The following DGKI variants were observed in gnomAD, a reference collection of about 807,000 sequenced individuals.
The protein encoded by DGKI is DAG kinase iota.
DGKI carries 55 observed loss-of-function variants against 147.5 expected under a neutral mutation model. The ratio of observed to expected loss-of-function variants is 0.37; its 90% CI spans 0.30 to 0.47. The LOEUF is 0.47. Ranked by LOEUF, DGKI falls within the 20% of genes least tolerant of loss-of-function variation. The probability of loss-of-function intolerance (pLI) is 1.00; values close to 1 mark genes in which losing one functional copy is unlikely to be tolerated. For missense variants in DGKI, 1,007 were observed against 1,323.8 expected (o/e 0.76, Z 3.71); for synonymous variants, 469 against 477.1 (o/e 0.98, Z 0.22).
chr7:137,493,332 T>C (rs10268873), intron 21 of DGKI, among the ~76,000 whole-genome samples: 24,827 of 152,198 alleles, frequency 0.16, 3,028 homozygotes, highest in African/African-American at 0.35. Context: ...AGCCCCTGGC[T>C]CACCAGGGCC....
intron 23 of DGKI, among the ~76,000 whole-genome samples, chr7:137,479,947 C>T (rs1189450487): frequency 6.6e-6 from 1 of 152,006 alleles, no homozygotes; most frequent in African/African-American, 2.4e-5. Flanking sequence ...ATCTTAAAAC[C>T]CCTCCATCTC....
chr7:137,487,688 C>A lies in DGKI; in HGVS notation c.2250G>T (p.Ser750=). 6.2e-7 allele frequency: 1 copy of A among 1,613,274 alleles called. No homozygotes were observed. Among genetic ancestry groups the A allele is most frequent in the Non-Finnish European group, 8.5e-7 (1 of 1,179,420 alleles). The change falls in exon 22 of 33, where the codon TCG becomes TCT. Residue 750 remains serine, a splice_region_variant and synonymous_variant. Coordinates refer to ENST00000614521, the MANE Select transcript of DGKI (RefSeq NM_001321708.2). ...GCACAACTAGAATACCCAGAGGTAT[C>A]GCTAAGGGTGAAGGAAGAAGAAAAA... ...HYDKEKLREA[S]IPLGILVVRG...
At position 137,841,865 on chromosome 7, in the gene DGKI, T is replaced by C. The variant is rs570947277; in HGVS notation, c.401+4597A>G. Among the ~76,000 whole-genome samples, 6 of 152,318 alleles carry C rather than the reference T, an allele frequency of 3.9e-5. No homozygotes were observed. In the South Asian group the frequency reaches 1.2e-3, roughly 32 times the overall value. Reference sequence around the variant, plus strand: ...GCTGTTGTTTGTTGCCACAGCAGAATTGAACACCAGCAAAGACCTCTCTTC... The same window carrying C: ...GCTGTTGTTTGTTGCCACAGCAGAACTGAACACCAGCAAAGACCTCTCTTC... On this transcript the variant is annotated intron_variant, in intron 1 of 32. Transcript: ENST00000614521.
At chr7:137,762,893 G>T (rs541044400) in intron 1 of DGKI, among the ~76,000 whole-genome samples, 1 of 152,326 alleles carries the variant, frequency 6.6e-6, no homozygotes, top group African/African-American at 2.4e-5. Flanking sequence ...ATTGTGGACT[G>T]AGTGACAAAG....
At chr7:137,472,392 T>TATTATG (rs61018353) in intron 23 of DGKI, among the ~76,000 whole-genome samples, 9 of 12,860 alleles carry the variant, frequency 7.0e-4, no homozygotes, top group African/African-American at 1.2e-3. Flanking sequence ...TATATACATA[T>TATTATG]TATAATTATT....
In DGKI at chr7:137,405,780, C is replaced by T. The variant is rs567856758; in HGVS notation, c.2920+2095G>A. Among the ~76,000 whole-genome samples the T allele has an allele frequency of 7.2e-5, 11 of 152,234 alleles. No homozygotes were observed. In the East Asian group the frequency reaches 9.7e-4, roughly 13 times the overall value. On this transcript the variant is annotated intron_variant, in intron 30 of 32. Coordinates refer to ENST00000614521, the MANE Select transcript of DGKI (RefSeq NM_001321708.2). Reference sequence around the variant, plus strand: ...TGTGAAGGATCTTGGGAAAAAAAGACGAGGTGTTGAGAAAGGCTTAGGTGT... The same window carrying T: ...TGTGAAGGATCTTGGGAAAAAAAGATGAGGTGTTGAGAAAGGCTTAGGTGT...
chr7:137,599,041 C>T (rs1819893485), intron 11 of DGKI, among the ~76,000 whole-genome samples: 1 of 152,088 alleles, frequency 6.6e-6, no homozygotes, highest in South Asian at 2.1e-4. Context: ...CTAGAAATCA[C>T]CTTTTCCTCT....
At chr7:137,534,674 C>G (rs145960450) in intron 20 of DGKI, among the ~76,000 whole-genome samples, 128 of 151,912 alleles carry the variant, frequency 8.4e-4, no homozygotes, top group African/African-American at 2.9e-3. Flanking sequence ...TTTTAAACAA[C>G]TAAAATATTT....
At chr7:137,645,988 A>C (rs1225181785) in intron 5 of DGKI, among the ~76,000 whole-genome samples, 2 of 152,208 alleles carry the variant, frequency 1.3e-5, no homozygotes, top group Non-Finnish European at 2.9e-5. Context: ...ACGAGATTGC[A>C]GTTACTCTAC....
intron 2 of DGKI, among the ~76,000 whole-genome samples, chr7:137,689,551 T>C (rs934573230): frequency 6.6e-6 from 1 of 152,160 alleles, no homozygotes; most frequent in Non-Finnish European, 1.5e-5. Context: ...AAATCAAAAC[T>C]TAGATTGCGA....
intron 2 of DGKI, among the ~76,000 whole-genome samples, chr7:137,687,315 C>T (rs950515685): frequency 1.3e-5 from 2 of 152,142 alleles, no homozygotes; most frequent in Admixed American, 6.5e-5. Flanking sequence ...AAAGAGGCTC[C>T]AACCCTTTTC....
chr7:137,545,104 G>C (rs983203343), intron 20 of DGKI, among the ~76,000 whole-genome samples: 2 of 152,082 alleles, frequency 1.3e-5, no homozygotes, highest in Admixed American at 6.5e-5. Context: ...TGTGACCTTG[G>C]GCAAGTTACT....
At chr7:137,409,780 G>A (rs901686410) in intron 29 of DGKI, among the ~76,000 whole-genome samples, 5 of 152,078 alleles carry the variant, frequency 3.3e-5, no homozygotes, top group Non-Finnish European at 5.9e-5. Context: ...GTTAGTCCAC[G>A]GACACTTTCT....
At chr7:137,633,821 A>AGCC (rs1170597265) in intron 6 of DGKI, among the ~76,000 whole-genome samples, 1 of 152,254 alleles carries the variant, frequency 6.6e-6, no homozygotes, top group African/African-American at 2.4e-5. Flanking sequence ...GTACATTTTT[A>AGCC]CAGGCATGTA....
chr7:137,398,678 ATTCT>A (rs1374943328), intron 30 of DGKI, among the ~76,000 whole-genome samples: 1 of 152,040 alleles, frequency 6.6e-6, no homozygotes, highest in African/African-American at 2.4e-5. Flanking sequence ...GGATTTCATA[ATTCT>A]CCTGGTCATC....
At chr7:137,828,876 G>T (rs534488671) in intron 1 of DGKI, among the ~76,000 whole-genome samples, 2 of 152,278 alleles carry the variant, frequency 1.3e-5, no homozygotes, top group South Asian at 4.1e-4. Context: ...CTGATGTTAA[G>T]AATAATATAA....
chr7:137,588,666 C>T (rs1056650753), intron 12 of DGKI, among the ~76,000 whole-genome samples: 4 of 151,806 alleles, frequency 2.6e-5, no homozygotes, highest in East Asian at 1.9e-4. Flanking sequence ...TTAGTAGAGA[C>T]GGGGTTTCAC....
At chr7:137,639,586 C>T (rs937209065) in intron 6 of DGKI, among the ~76,000 whole-genome samples, 49 of 152,104 alleles carry the variant, frequency 3.2e-4, no homozygotes, top group African/African-American at 1.1e-3. Context: ...CTCTGCTCCC[C>T]GTGCAGGTCA....
intron 1 of DGKI, among the ~76,000 whole-genome samples, chr7:137,763,430 T>C (rs1227832924): frequency 6.6e-6 from 1 of 152,248 alleles, no homozygotes; most frequent in Non-Finnish European, 1.5e-5. Context: ...AAAGAAATCA[T>C]GCTGCTTTGG....
Sources: allele counts gnomAD v4.1 joint callset (sites outside exome capture counted in the v4.1 genomes callset), GRCh38; gene constraint gnomAD v4.1.1; transcripts MANE v1.5; gene names NCBI Gene and HGNC (gene_info 2026-07-23, HGNC 2026-07-21).